DOCK1: variants seen among roughly 807,000 people sequenced by gnomAD.
The protein encoded by DOCK1 is dedicator of cytokinesis protein 1.
A neutral mutation model predicts 262.7 loss-of-function variants in DOCK1; 138 were observed. The ratio of observed to expected loss-of-function variants is 0.53; its 90% CI spans 0.46 to 0.61. The LOEUF is 0.61. Among genes scored for constraint, DOCK1 ranks in the 20% least tolerant of loss-of-function variants. DOCK1 has a pLI of 0.00. For synonymous variants in DOCK1, 866 were observed against 867.4 expected, an observed-to-expected ratio of 1.00 and a Z score of 0.03; for missense variants, 1,908 against 2,370.7, an observed-to-expected ratio of 0.80 and a Z score of 4.05.
At chr10:127,372,301 AG>A (rs1315860302) in intron 33 of DOCK1, among the ~76,000 whole-genome samples, 2 of 152,102 alleles carry the variant, frequency 1.3e-5, no homozygotes, top group African/African-American at 4.8e-5. Flanking sequence ...ATTGCTTCTC[AG>A]GGGTCCACAG....
intron 25 of DOCK1, among the ~76,000 whole-genome samples, chr10:127,115,148 A>G (rs192513127): frequency 1.3e-5 from 2 of 152,272 alleles, no homozygotes; most frequent in Middle Eastern, 6.8e-3. Context: ...TTTTAAATGT[A>G]TGGTGGTAAT....
At chr10:127,226,613 G>A (rs767776753) in intron 27 of DOCK1, among the ~76,000 whole-genome samples, 24 of 152,044 alleles carry the variant, frequency 1.6e-4, no homozygotes, top group Non-Finnish European at 3.1e-4. Flanking sequence ...GCATGGTGGT[G>A]CGTGCCTGTA....
At chr10:126,998,420 T>C (rs550240072) in intron 8 of DOCK1, 171 bp downstream of exon 8, 11 of 841,576 alleles carry the variant, frequency 1.3e-5, no homozygotes, top group South Asian at 5.8e-5. Context: ...GGCAGCCAGG[T>C]TGGGCTCTGG....
intron 1 of DOCK1, among the ~76,000 whole-genome samples, chr10:126,959,344 G>T (rs930597363): frequency 4.6e-5 from 7 of 152,176 alleles, no homozygotes; most frequent in African/African-American, 1.7e-4. Flanking sequence ...ATATGGCAAA[G>T]AAACATGTTT....
In DOCK1 at chr10:127,175,527, C is replaced by T; in HGVS notation, c.2847+47763C>T. The T allele has an allele frequency of 6.8e-6, 11 of 1,609,890 alleles. No individual in the cohort carries two copies. Among genetic ancestry groups the T allele is most frequent in the Non-Finnish European group, 9.3e-6 (11 of 1,180,014 alleles). On this transcript the variant is annotated intron_variant, in intron 27 of 51. Transcript: ENST00000623213. The surrounding 1 kb of genome is among the most constrained non-coding windows in gnomAD (Gnocchi z 6.3). The stretch of plus-strand genomic sequence containing the variant: ...CTGGAGCCCGTTGAGATGTGTGGCT[C>T]TCCTCCGCTCGTCATCTGCCGGGCA...
intron 12 of DOCK1, among the ~76,000 whole-genome samples, chr10:127,017,056 CACAGATGCAGACACCATAA>C (rs2042004921): frequency 3.8e-5 from 5 of 133,102 alleles, no homozygotes; most frequent in Admixed American, 7.5e-5. Context: ...CACACACACA[CACAGATGCAGACACCATAA>C]ACACAGATAC....
intron 29 of DOCK1, among the ~76,000 whole-genome samples, chr10:127,325,949 G>A (rs2062730991): frequency 6.6e-6 from 1 of 152,138 alleles, no homozygotes; most frequent in South Asian, 2.1e-4. Context: ...TGGTTTCCCA[G>A]TGCATATATG....
intron 10 of DOCK1, among the ~76,000 whole-genome samples, chr10:127,006,606 A>C (rs571349297): frequency 6.6e-6 from 1 of 152,130 alleles, no homozygotes; most frequent in African/African-American, 2.4e-5. Context: ...GGGAAGCGCG[A>C]TGAGCGGTGA....
At chr10:127,309,833 A>C (rs2061999869) in intron 29 of DOCK1, among the ~76,000 whole-genome samples, 1 of 151,724 alleles carries the variant, frequency 6.6e-6, no homozygotes, top group African/African-American at 2.4e-5. Flanking sequence ...AACACTAAAC[A>C]ATTCCCCATA....
At chr10:126,987,091 T>C (rs1296986795) in intron 4 of DOCK1, among the ~76,000 whole-genome samples, 1 of 152,164 alleles carries the variant, frequency 6.6e-6, no homozygotes, top group Non-Finnish European at 1.5e-5. Context: ...ATGAGTTTTA[T>C]GCGTGATGGA....
chr10:127,130,344 C>G lies in DOCK1; in HGVS notation c.2847+2580C>G, dbSNP rs564520419. Among the ~76,000 whole-genome samples the G allele has an allele frequency of 3.9e-5, 6 of 152,260 alleles. No homozygotes were observed. The East Asian group carries it at 1.2e-3, about 29-fold the overall frequency. On this transcript the variant is annotated intron_variant, in intron 27 of 51. Coordinates refer to ENST00000623213, the MANE Select transcript of DOCK1 (RefSeq NM_001290223.2). ...CAGGTGATCCATCCGCTTCGGCCTCCCAAAGTGCTGGGATTACAGGCATGA... is the reference window on the plus strand; with the variant it reads ...CAGGTGATCCATCCGCTTCGGCCTCGCAAAGTGCTGGGATTACAGGCATGA...
intron 40 of DOCK1, among the ~76,000 whole-genome samples, chr10:127,407,342 G>A (rs914888291): frequency 4.6e-5 from 7 of 152,106 alleles, no homozygotes; most frequent in African/African-American, 7.2e-5. Context: ...CATAGATGGC[G>A]CCTTCCACCT....
intron 27 of DOCK1, among the ~76,000 whole-genome samples, chr10:127,164,322 T>G (rs928646400): frequency 2.6e-5 from 4 of 151,770 alleles, no homozygotes; most frequent in African/African-American, 4.8e-5. Flanking sequence ...CAGCTGAGAT[T>G]ACAGGTGCCC....
chr10:127,404,618 T>G (rs189907116), intron 40 of DOCK1, among the ~76,000 whole-genome samples, 189 bp downstream of exon 40: 20 of 152,326 alleles, frequency 1.3e-4, no homozygotes, highest in Admixed American at 4.6e-4. Context: ...GCATATAACC[T>G]TTCTATCTGA....
intron 27 of DOCK1, among the ~76,000 whole-genome samples, chr10:127,201,299 T>C (rs535390315): frequency 1.3e-5 from 2 of 152,324 alleles, no homozygotes; most frequent in South Asian, 4.1e-4. Flanking sequence ...GTAAAGCCCC[T>C]TGCCCGTGGC....
intron 29 of DOCK1, among the ~76,000 whole-genome samples, chr10:127,301,914 C>A (rs2061692013): frequency 6.6e-6 from 1 of 150,396 alleles, no homozygotes; most frequent in Non-Finnish European, 1.5e-5. Context: ...CCACTGCACT[C>A]CAGCCTGGGT....
intron 29 of DOCK1, among the ~76,000 whole-genome samples, chr10:127,294,060 C>T (rs1160117743): frequency 6.6e-6 from 1 of 152,196 alleles, no homozygotes; most frequent in Non-Finnish European, 1.5e-5. Flanking sequence ...TGCTCGCCCA[C>T]GTTACCCTCC....
intron 25 of DOCK1, 148 bp from the exon 26 acceptor site, chr10:127,125,326 G>C: frequency 9.9e-7 from 1 of 1,007,944 alleles, no homozygotes; most frequent in Non-Finnish European, 1.5e-6. Flanking sequence ...TGTTCTCACA[G>C]TCAAGTAATT....
At chr10:127,198,875 A>G (rs2057333621) in intron 27 of DOCK1, among the ~76,000 whole-genome samples, 1 of 152,000 alleles carries the variant, frequency 6.6e-6, no homozygotes, top group Non-Finnish European at 1.5e-5. Context: ...GATATTCCAC[A>G]TGGGTGAGGT....
Sources: gnomAD v4.1 joint callset for allele counts (sites outside exome capture counted in the v4.1 genomes callset) on GRCh38, gnomAD v4.1.1 for gene constraint, Gnocchi (gnomAD v3.1) non-coding constraint, MANE v1.5 for transcripts, NCBI Gene and HGNC (gene_info 2026-07-23, HGNC 2026-07-21) for gene names.